AGBL1: variants seen among roughly 807,000 people sequenced by gnomAD.
The protein encoded by AGBL1 is cytosolic carboxypeptidase 4.
AGBL1 carries 130 observed loss-of-function variants against 118.9 expected under a neutral mutation model. The ratio of observed to expected loss-of-function variants is 1.09; its 90% CI spans 0.95 to 1.26. The LOEUF is 1.26. AGBL1 is among the 50% of genes most tolerant of loss of function. AGBL1 has a pLI of 0.00. For synonymous variants in AGBL1, 555 were observed against 478.9 expected (o/e 1.16, Z -2.08); for missense variants, 1,584 against 1,298.1 (o/e 1.22, Z -3.38).
intron 22 of AGBL1, among the ~76,000 whole-genome samples, chr15:86,686,442 GT>G (rs368842116): frequency 0.024 from 3,105 of 127,054 alleles, 32 homozygotes; most frequent in East Asian, 0.075. Flanking sequence ...CATATTCTAA[GT>G]TTTTTTTTTT....
intron 22 of AGBL1, among the ~76,000 whole-genome samples, chr15:86,697,228 T>G (rs1055492315): frequency 4.6e-5 from 7 of 151,902 alleles, no homozygotes; most frequent in African/African-American, 1.7e-4. Flanking sequence ...TCTTCAGGAA[T>G]GCCAGTTATT....
At position 86,297,587 on chromosome 15, in the gene AGBL1, TTCTGA is replaced by T. The variant is rs528378935; in HGVS notation, c.2374+2181_2374+2185del. Among the ~76,000 whole-genome samples the T allele has an allele frequency of 2.8e-4, 42 of 152,348 alleles. 2 individuals carry two copies. The South Asian group carries it at 6.4e-3, about 23-fold the overall frequency. On this transcript the variant is annotated intron_variant, in intron 17 of 22. Coordinates refer to ENST00000614907, the MANE Select transcript of AGBL1 (RefSeq NM_001386094.1). Reference sequence around the variant, plus strand: ...TAGAAAGTGGCAAAGGCCAGTGCCTTTCTGATACTACTCTTCTCTGTTTCCAAATT... The same window carrying T: ...TAGAAAGTGGCAAAGGCCAGTGCCTTTACTACTCTTCTCTGTTTCCAAATT...
At chr15:86,448,758 G>A (rs867166925) in intron 18 of AGBL1, among the ~76,000 whole-genome samples, 1 of 152,096 alleles carries the variant, frequency 6.6e-6, no homozygotes, top group African/African-American at 2.4e-5. Context: ...TGGTTATGGA[G>A]GATAAAGGGA....
intron 22 of AGBL1, among the ~76,000 whole-genome samples, chr15:86,881,145 G>T (rs1265278594): frequency 6.6e-6 from 1 of 152,200 alleles, no homozygotes; most frequent in Non-Finnish European, 1.5e-5. Flanking sequence ...AACATGGGGA[G>T]TCTAGGTTTT....
At chr15:86,304,417 T>G (rs985027829) in intron 17 of AGBL1, among the ~76,000 whole-genome samples, 1 of 152,230 alleles carries the variant, frequency 6.6e-6, no homozygotes, top group African/African-American at 2.4e-5. Context: ...TATCTAATGT[T>G]GTTCCCCTAC....
intron 22 of AGBL1, among the ~76,000 whole-genome samples, chr15:86,675,280 G>T (rs1490527250): frequency 6.6e-6 from 1 of 152,074 alleles, no homozygotes; most frequent in Non-Finnish European, 1.5e-5. Flanking sequence ...CAGAGAGAAA[G>T]CCATTCATCC....
intron 1 of AGBL1, among the ~76,000 whole-genome samples, chr15:86,094,670 A>G (rs1261545874): frequency 6.6e-6 from 1 of 152,164 alleles, no homozygotes; most frequent in Non-Finnish European, 1.5e-5. Flanking sequence ...TTGAGGCTGT[A>G]CACCTTCTCC....
chr15:86,379,611 T>G (rs902508798), intron 17 of AGBL1, among the ~76,000 whole-genome samples: 13 of 152,254 alleles, frequency 8.5e-5, no homozygotes, highest in Non-Finnish European at 1.9e-4. Context: ...TTATCATATT[T>G]AATTTTGACA....
intron 18 of AGBL1, among the ~76,000 whole-genome samples, chr15:86,457,078 C>T (rs1245831677): frequency 6.6e-6 from 1 of 152,104 alleles, no homozygotes; most frequent in Non-Finnish European, 1.5e-5. Context: ...AATATTACCA[C>T]ATTCGAAAAA....
At chr15:86,116,751 A>G (rs938532210) in intron 1 of AGBL1, 7 of 152,110 alleles carry the variant, frequency 4.6e-5, no homozygotes, top group Non-Finnish European at 7.3e-5. Flanking sequence ...TGGTTCTTAG[A>G]ACTTTGGACT....
At chr15:86,138,962 C>T (rs1260740134) in intron 1 of AGBL1, among the ~76,000 whole-genome samples, 1 of 152,158 alleles carries the variant, frequency 6.6e-6, no homozygotes, top group Non-Finnish European at 1.5e-5. Flanking sequence ...GAACATTCCC[C>T]CAAATAATAG....
chr15:86,547,556 T>A (rs964270978), intron 20 of AGBL1, among the ~76,000 whole-genome samples: 5 of 152,154 alleles, frequency 3.3e-5, no homozygotes, highest in African/African-American at 1.2e-4. Context: ...TCATACTGTT[T>A]AATTAATAAA....
At chr15:86,979,552 G>T (rs1057356544) in intron 23 of AGBL1, among the ~76,000 whole-genome samples, 3 of 151,942 alleles carry the variant, frequency 2.0e-5, no homozygotes, top group South Asian at 4.2e-4. Flanking sequence ...GCAGTGGCGC[G>T]ATCTCGGCTC....
chr15:86,224,959 C>A lies in AGBL1; in HGVS notation c.526+8C>A. The A allele has an allele frequency of 1.9e-6, 3 of 1,612,980 alleles. No homozygotes were observed. Among genetic ancestry groups the A allele is most frequent in the African/African-American group, 1.3e-5 (1 of 74,842 alleles). On this transcript the variant is annotated splice_region_variant and intron_variant, in intron 6 of 22. Transcript: ENST00000614907. ...CAGCATTGCTGAAATCCAGTAAGCA[C>A]CTCTTTTGAAGGGTGGCTATTTCTC...
At chr15:86,742,089 ACT>A (rs1465958941) in intron 22 of AGBL1, among the ~76,000 whole-genome samples, 2 of 151,704 alleles carry the variant, frequency 1.3e-5, no homozygotes, top group Non-Finnish European at 2.9e-5. Flanking sequence ...GCCGGCAGTG[ACT>A]CTGAACCAGC....
chr15:86,938,785 T>C (rs549032250), intron 23 of AGBL1: 1 of 152,290 alleles, frequency 6.6e-6, no homozygotes, highest in East Asian at 1.9e-4. Context: ...TAAAAGCAGA[T>C]TCTGGCCCCA....
chr15:86,795,398 A>G (rs1288087874), intron 22 of AGBL1, among the ~76,000 whole-genome samples: 6 of 151,948 alleles, frequency 3.9e-5, no homozygotes, highest in Non-Finnish European at 1.5e-5. Context: ...TCCTTGAAAT[A>G]ATGTCATTGG....
At position 86,154,703 on chromosome 15, in the gene AGBL1, G is replaced by C. The variant is rs1049376602; in HGVS notation, c.394+142G>C. 3.6e-6 allele frequency: 4 copies of C among 1,103,228 alleles called. No individual in the cohort carries two copies. In the African/African-American group the frequency reaches 6.4e-5, roughly 18 times the overall value. 68.3% of individuals were successfully genotyped at this position (1,103,228 alleles called of 1,614,324 possible). On this transcript the variant is annotated intron_variant, in intron 4 of 22. Transcript: ENST00000614907. ...CCCAGCCAGATAAATAAAAGAGACT[G>C]ACAATCCAGAGGCTGTGGAGGTGAG...
chr15:86,146,885 G>A (rs1043409457), intron 3 of AGBL1, among the ~76,000 whole-genome samples: 3 of 152,164 alleles, frequency 2.0e-5, no homozygotes, highest in Non-Finnish European at 4.4e-5. Context: ...ATCAGTAAAC[G>A]AGGTTTAGGA....
Sources: allele counts gnomAD v4.1 joint callset (sites outside exome capture counted in the v4.1 genomes callset), GRCh38; gene constraint gnomAD v4.1.1; transcripts MANE v1.5; gene names NCBI Gene and HGNC (gene_info 2026-07-23, HGNC 2026-07-21).